Variants in PIK3AP1 observed in about 807,000 individuals in gnomAD.
PIK3AP1 encodes the protein phosphoinositide 3-kinase adapter protein 1.
A neutral mutation model predicts 88.1 loss-of-function variants in PIK3AP1; 21 were observed. The observed-to-expected ratio is 0.24, with a 90% CI of 0.17 to 0.34. The LOEUF is 0.34. PIK3AP1 is among the 10% of genes least tolerant of loss of function. The pLI is 1.00. For synonymous variants in PIK3AP1, 398 were observed against 400.0 expected (o/e 1.00, Z 0.06); for missense variants, 828 against 1,035.7 (o/e 0.80, Z 2.75).
intron 3 of PIK3AP1, among the ~76,000 whole-genome samples, 176 bp downstream of exon 3, chr10:96,656,620 CAG>C (rs1027112057): frequency 6.6e-6 from 1 of 152,212 alleles, no homozygotes; most frequent in African/African-American, 2.4e-5. Context: ...CTCTCTTACT[CAG>C]GGGAGCTGGG....
At chr10:96,705,935 T>C (rs1459247572) in intron 2 of PIK3AP1, among the ~76,000 whole-genome samples, 3 of 119,952 alleles carry the variant, frequency 2.5e-5, no homozygotes, top group Admixed American at 1.0e-4. Context: ...GATCTGTCAC[T>C]CAGGCTGGAG....
At chr10:96,719,927 C>T (rs1167143899) in intron 1 of PIK3AP1, among the ~76,000 whole-genome samples, 1 of 152,192 alleles carries the variant, frequency 6.6e-6, no homozygotes, top group Non-Finnish European at 1.5e-5. Flanking sequence ...GTCCCAAGGG[C>T]CTCCCCGGCT....
chr10:96,709,152 C>G (rs1339024115), intron 2 of PIK3AP1, among the ~76,000 whole-genome samples: 1 of 148,982 alleles, frequency 6.7e-6, no homozygotes, highest in Admixed American at 6.7e-5. Flanking sequence ...AAAAAAAAAC[C>G]CTTTTTTAAC....
In PIK3AP1 at chr10:96,652,596, A is replaced by G. The variant is rs1589516583; in HGVS notation, c.712+102T>C. ...TCAAAAAAAAAAAATCAAAGTAGCA[A>G]ACATATTTAAGATGATAATACCTGG... is the stretch of plus-strand genomic sequence containing the variant. On this transcript the variant is annotated intron_variant, in intron 4 of 16. Transcript: ENST00000339364. The G allele has an allele frequency of 2.8e-6, 4 of 1,434,862 alleles. No homozygotes were observed. In the East Asian group the frequency reaches 9.1e-5, roughly 33 times the overall value. 88.9% of individuals were successfully genotyped at this position (1,434,862 alleles called of 1,614,324 possible).
chr10:96,631,521 A>G (rs1394419818), intron 8 of PIK3AP1, among the ~76,000 whole-genome samples: 1 of 152,222 alleles, frequency 6.6e-6, no homozygotes, highest in African/African-American at 2.4e-5. Context: ...ATGGATGCAG[A>G]CTTCCACTTT....
chr10:96,702,659 T>C (rs1162300927), intron 2 of PIK3AP1, among the ~76,000 whole-genome samples: 1 of 151,764 alleles, frequency 6.6e-6, no homozygotes, highest in Non-Finnish European at 1.5e-5. Context: ...ATGGTAACTA[T>C]GTGTGCTGAT....
intron 13 of PIK3AP1, among the ~76,000 whole-genome samples, chr10:96,612,950 G>GTGTA (rs1481031378): frequency 6.7e-4 from 40 of 59,668 alleles, no homozygotes; most frequent in African/African-American, 2.4e-3. Context: ...GTGTGTGTGT[G>GTGTA]TATATATATA....
chr10:96,693,668 A>G (rs913060298), intron 2 of PIK3AP1, among the ~76,000 whole-genome samples: 1 of 152,214 alleles, frequency 6.6e-6, no homozygotes, highest in South Asian at 2.1e-4. Context: ...CAGATCTTAC[A>G]TATGCTACTC....
chr10:96,616,584 G>A (rs1849218346), intron 13 of PIK3AP1, 55 bp downstream of exon 13: 1 of 1,580,286 alleles, frequency 6.3e-7, no homozygotes, highest in Non-Finnish European at 8.7e-7. Context: ...GAGAGTCAAG[G>A]ACAACAGATG....
intron 16 of PIK3AP1, 85 bp downstream of exon 16, chr10:96,602,195 T>A (rs566021184): frequency 8.6e-7 from 1 of 1,165,168 alleles, no homozygotes; most frequent in East Asian, 2.6e-5. Context: ...GCGCTTATTC[T>A]TTAGTCATCT....
In PIK3AP1 at chr10:96,629,930, A is replaced by AAAAAAAAAAAAAAAAAAGAAG. The variant is rs776780994; in HGVS notation, c.1376-1438_1376-1437insCTTCTTTTTTTTTTTTTTTTT. Among the ~76,000 whole-genome samples the AAAAAAAAAAAAAAAAAAGAAG allele has an allele frequency of 1.0e-3, 14 of 13,724 alleles. 1 individual carries two copies. The highest frequency in any genetic ancestry group is 3.8e-3 in the East Asian group (1 of 262). The allele number at this position is 13,724 out of a possible 152,430, so 9.0% of individuals were successfully genotyped here. A position where few individuals can be genotyped will look rare whatever the true frequency, so the allele number is the denominator to read the frequency against. On this transcript the variant is annotated intron_variant, in intron 8 of 16. Coordinates refer to ENST00000339364, the MANE Select transcript of PIK3AP1 (RefSeq NM_152309.3). ...CAACCAAAAAAAAAAAAAAAAAAAA[A>AAAAAAAAAAAAAAAAAAGAAG]AAGAAGAAGAAGAAGAAGAAGAAGA...
At chr10:96,678,949 C>T (rs1843962550) in intron 2 of PIK3AP1, among the ~76,000 whole-genome samples, 1 of 152,216 alleles carries the variant, frequency 6.6e-6, no homozygotes, top group African/African-American at 2.4e-5. Flanking sequence ...GGTTCTCATA[C>T]ACAAAAACCT....
intron 8 of PIK3AP1, among the ~76,000 whole-genome samples, chr10:96,635,974 G>A (rs777966385): frequency 1.2e-4 from 18 of 152,178 alleles, no homozygotes; most frequent in South Asian, 2.1e-4. Context: ...TTGGGAGGCC[G>A]AGGGGGGTGG....
rs1844551713 is a variant in PIK3AP1 at position 96,720,094 on chromosome 10, T to G, written c.13+288A>C. ...GTCGGAGGGACAGGGGAAGCGACGC[T>G]CAGACACTCCTAGGGCCAGAGGTGG... On this transcript the variant is annotated intron_variant, in intron 1 of 16. Transcript: ENST00000339364. The surrounding 1 kb of genome is among the most constrained non-coding windows in gnomAD (Gnocchi z 4.6). 6.6e-6 allele frequency among the ~76,000 whole-genome samples: 1 copy of G among 152,028 alleles called. No homozygotes were observed. Among genetic ancestry groups the G allele is most frequent in the Non-Finnish European group, 1.5e-5 (1 of 67,992 alleles).
rs559519997 is a variant in PIK3AP1, at chr10:96,687,937, C to T, written c.430+21630G>A. On this transcript the variant is annotated intron_variant, in intron 2 of 16. Transcript: ENST00000339364. ...CCTGGAGTGGCATCTGGGTAGGCAA[C>T]GGTTGGGAAGCTAGTTAGGGTGACT... 5.3e-5 allele frequency among the ~76,000 whole-genome samples: 8 copies of T among 152,180 alleles called. No individual in the cohort carries two copies. In the East Asian group the frequency reaches 5.8e-4, roughly 11 times the overall value.
chr10:96,714,169 C>T lies in PIK3AP1; in HGVS notation c.14-4186G>A, dbSNP rs372547333. 4.0e-5 allele frequency among the ~76,000 whole-genome samples: 6 copies of T among 150,640 alleles called. 1 individual carries two copies. The highest frequency in any genetic ancestry group is 1.9e-4 in the East Asian group (1 of 5,140). On this transcript the variant is annotated intron_variant, in intron 1 of 16. Coordinates refer to ENST00000339364, the MANE Select transcript of PIK3AP1 (RefSeq NM_152309.3). ...AGCCTGGGTAATAACAGCGAAACTC[C>T]GTCTCAAAAAAAAAAAAGACTCCAA...
At position 96,652,826 on chromosome 10, in the gene PIK3AP1, T is replaced by C. The variant is rs200631854; in HGVS notation, c.584A>G (p.Tyr195Cys). 1.9e-6 allele frequency: 3 copies of C among 1,613,712 alleles called. No individual in the cohort carries two copies. The highest frequency in any genetic ancestry group is 1.3e-5 in the African/African-American group (1 of 75,024). ...RIRCGAETTV[Y>C]VIVRCKLDDR... ...ATCCAGCTTACATCTCACAATAACA[T>C]AGACAGTGGTTTCTGCCTGAAACGG... The change falls in exon 4 of 17, where the codon TAT becomes TGT. Residue 195 changes from tyrosine (Y) to cysteine (C), a missense_variant. Physicochemically the swap from Tyr to Cys is radical, Grantham distance 194. This residue lies in a region of PIK3AP1 where 610 missense variants were observed against 760.1 expected (regional missense o/e 0.80). Transcript: ENST00000339364.
chr10:96,698,875 A>C (rs142211372), intron 2 of PIK3AP1, among the ~76,000 whole-genome samples: 387 of 152,314 alleles, frequency 2.5e-3, no homozygotes, highest in African/African-American at 8.9e-3. Flanking sequence ...TACTTTTAAC[A>C]CTTAAAATAT....
At chr10:96,663,624 C>T (rs1166662810) in intron 2 of PIK3AP1, among the ~76,000 whole-genome samples, 2 of 84,450 alleles carry the variant, frequency 2.4e-5, no homozygotes, top group Non-Finnish European at 4.2e-5. Context: ...AGTGAGACTC[C>T]GTCAAAAAAA....
Sources: gnomAD v4.1 joint callset for allele counts (sites outside exome capture counted in the v4.1 genomes callset) on GRCh38, gnomAD v4.1.1 for gene constraint, gnomAD v4.1.1 regional missense constraint, Gnocchi (gnomAD v3.1) non-coding constraint, MANE v1.5 for transcripts, NCBI Gene and HGNC (gene_info 2026-07-23, HGNC 2026-07-21) for gene names.